The following MIDN variants were observed in gnomAD, a reference collection of about 807,000 sequenced individuals.
The protein encoded by MIDN is midbrain nucleolar protein.
In MIDN, 26 loss-of-function variants were observed where a neutral mutation model predicts 46.1. The observed-to-expected ratio is 0.56, with a 90% CI of 0.41 to 0.78. MIDN has a LOEUF of 0.78. Ranked by LOEUF, MIDN falls within the 30% of genes least tolerant of loss-of-function variation. The pLI, the probability that MIDN is intolerant of heterozygous loss-of-function variation, is 0.00. For synonymous variants in MIDN, 432 were observed against 343.3 expected, an observed-to-expected ratio of 1.26 and a Z score of -2.86; for missense variants, 850 against 771.8, an observed-to-expected ratio of 1.10 and a Z score of -1.20.
Position 1,257,123 on chromosome 19 carries a change from CCCAGCCGCAAGG to C in MIDN, c.1390_1401del (p.Ser464_Ala467del). On this transcript the variant is annotated inframe_deletion, in exon 9 of 9. Coordinates refer to ENST00000682408, the MANE Select transcript of MIDN (RefSeq NM_001388306.1). ...CGCGCGGGGTCCGTACCACTGGTCA[CCCAGCCGCAAGG>C]CCGGCCGCAGCGACAGCAGTAGCAG... is the stretch of plus-strand genomic sequence containing the variant. 1.2e-6 allele frequency: 2 copies of C among 1,611,634 alleles called. No individual in the cohort carries two copies. Among genetic ancestry groups the C allele is most frequent in the Non-Finnish European group, 1.7e-6 (2 of 1,179,340 alleles).
intron 4 of MIDN, 86 bp from the exon 5 acceptor site, chr19:1,253,868 C>T (rs1417875329): frequency 4.3e-6 from 5 of 1,174,738 alleles, no homozygotes; most frequent in Non-Finnish European, 5.5e-6. Context: ...GGCCCCGCCC[C>T]CTCTGGCCTC....
Position 1,257,189 on chromosome 19 carries a change from T to C in MIDN, c.1453T>C (p.Ser485Pro). The change falls in exon 9 of 9, where the codon TCC becomes CCC. Residue 485 changes from serine (S) to proline (P), a missense_variant. By Grantham distance (74) the Ser-to-Pro change is moderately conservative. Transcript: ENST00000682408. Reference sequence around the variant, plus strand: ...GGGCGGCGGCAGCCCCAGCGAGGCCTCCGGCTTGGGCCTCGACTTCGAGGA... The same window carrying C: ...GGGCGGCGGCAGCCCCAGCGAGGCCCCCGGCTTGGGCCTCGACTTCGAGGA... ...SGGGGSPSEASGLGLDFEDSV... is the reference protein window; with the variant it reads ...SGGGGSPSEAPGLGLDFEDSV... 3 of 1,611,970 alleles carry C rather than the reference T, an allele frequency of 1.9e-6. No individual in the cohort carries two copies. The highest frequency in any genetic ancestry group is 2.5e-6 in the Non-Finnish European group (3 of 1,179,562).
Position 1,258,054 on chromosome 19 carries a change from T to G in MIDN, c.*782T>G, listed in dbSNP as rs995825138. 6.6e-6 allele frequency: 1 copy of G among 152,312 alleles called. No homozygotes were observed. Among genetic ancestry groups the G allele is most frequent in the Admixed American group, 6.5e-5 (1 of 15,270 alleles). The allele number at this position is 152,312 out of a possible 1,614,324, so 9.4% of individuals were successfully genotyped here. A position where few individuals can be genotyped will look rare whatever the true frequency, so the allele number is the denominator to read the frequency against. On this transcript the variant is annotated 3_prime_UTR_variant, in exon 9 of 9. Coordinates refer to ENST00000682408, the MANE Select transcript of MIDN (RefSeq NM_001388306.1). ...GGGGAACTACCCCCCCAGCCTGCCC[T>G]CCGCCCCGCCCCAGCCGGCGGACTG...
At chr19:1,249,837 C>T (rs1375478842) in intron 1 of MIDN, 53 bp from the exon 2 acceptor site, 1 of 151,738 alleles carries the variant, frequency 6.6e-6, no homozygotes, top group Non-Finnish European at 1.5e-5. Flanking sequence ...CGGCCCCGCC[C>T]CCTGGAACGT....
At chr19:1,252,023 C>T in intron 4 of MIDN, 122 bp downstream of exon 4, 3 of 815,720 alleles carry the variant, frequency 3.7e-6, no homozygotes, top group African/African-American at 1.7e-5. Context: ...GGACGCGCCA[C>T]CCCGCCTGGG....
intron 4 of MIDN, 92 bp downstream of exon 4, chr19:1,251,993 G>A: frequency 2.7e-6 from 3 of 1,096,284 alleles, no homozygotes; most frequent in Non-Finnish European, 4.0e-6. Flanking sequence ...TGTGCTCCCA[G>A]GAGGCTGGGG....
In MIDN at chr19:1,254,400, C is replaced by T. The variant is rs761763851; in HGVS notation, c.747C>T (p.Thr249=). The change falls in exon 6 of 9, where the codon ACC becomes ACT. Residue 249 remains threonine (T), a synonymous_variant. Transcript: ENST00000682408. ...SSAARVPPVP[T]SPSPASPSPI... is the part of the protein sequence containing the mutation. ...CCGCCCGAGTCCCCCCGGTGCCCAC[C>T]AGCCCGTCCCCTGCATCTCCCTCGC... 8 of 1,563,376 alleles carry T rather than the reference C, an allele frequency of 5.1e-6. No homozygotes were observed. The African/African-American group carries it at 9.4e-5, about 18-fold the overall frequency.
rs1420872566 is a variant in MIDN, at chr19:1,250,251, G to A, written c.-46G>A. On this transcript the variant is annotated 5_prime_UTR_variant, in exon 2 of 9. Transcript: ENST00000682408. Reference sequence around the variant, plus strand: ...CGCCCCTGTCCCGGAGGCGCGGCGAGGATTGGCGGCGCCCGCCGCCCCCAG... The same window carrying A: ...CGCCCCTGTCCCGGAGGCGCGGCGAAGATTGGCGGCGCCCGCCGCCCCCAG... The A allele has an allele frequency of 1.2e-6, 1 of 852,226 alleles. No individual in the cohort carries two copies. The highest frequency in any genetic ancestry group is 1.8e-5 in the African/African-American group (1 of 54,344). 52.8% of individuals were successfully genotyped at this position (852,226 alleles called of 1,614,324 possible).
chr19:1,251,450 G>A, intron 2 of MIDN, 112 bp from the exon 3 acceptor site: 1 of 923,384 alleles, frequency 1.1e-6, no homozygotes, highest in Non-Finnish European at 1.6e-6. Flanking sequence ...AGGGGTGGGG[G>A]TGGGAACTTA....
At position 1,259,096 on chromosome 19, in the gene MIDN, C is replaced by T. The variant is rs1181513415; in HGVS notation, c.*1824C>T. The T allele has an allele frequency of 7.2e-6, 1 of 138,430 alleles. No homozygotes were observed. The highest frequency in any genetic ancestry group is 1.6e-5 in the Non-Finnish European group (1 of 62,382). 8.6% of individuals were successfully genotyped at this position (138,430 alleles called of 1,614,324 possible). On this transcript the variant is annotated 3_prime_UTR_variant, in exon 9 of 9. Coordinates refer to ENST00000682408, the MANE Select transcript of MIDN (RefSeq NM_001388306.1). ...CATAAAATTGAAAAAAAAAAAAAAA[C>T]CTACACGAGCACCGTGATTTCAAGT...
intron 3 of MIDN, 37 bp downstream of exon 3, chr19:1,251,686 C>T (rs764999253): frequency 2.7e-5 from 42 of 1,582,648 alleles, no homozygotes; most frequent in Non-Finnish European, 3.3e-5. Context: ...CCAGAGGCCC[C>T]CGCACACAGG....
At chr19:1,252,106 C>T (rs2145488143) in intron 4 of MIDN, among the ~76,000 whole-genome samples, 1 of 152,232 alleles carries the variant, frequency 6.6e-6, no homozygotes, top group Admixed American at 6.5e-5. Context: ...CTTTCTCTCC[C>T]ACGGTGGCTG....
At position 1,254,408 on chromosome 19, in the gene MIDN, C is replaced by A. The variant is rs1447725798; in HGVS notation, c.755C>A (p.Ser252Tyr). 1 of 1,565,590 alleles carries A rather than the reference C, an allele frequency of 6.4e-7. No homozygotes were observed. The change falls in exon 6 of 9, where the codon TCC becomes TAC. Residue 252 changes from serine to tyrosine, a missense_variant. Transcript: ENST00000682408. ...GTCCCCCCGGTGCCCACCAGCCCGT[C>A]CCCTGCATCTCCCTCGCCCATCACA... The part of the protein sequence containing the change: ...ARVPPVPTSP[S>Y]PASPSPITAG...
intron 1 of MIDN, among the ~76,000 whole-genome samples, chr19:1,249,622 G>A (rs2081097479): frequency 6.7e-6 from 1 of 148,926 alleles, no homozygotes. Flanking sequence ...GGGGGCGGGC[G>A]CGGAGAGGCG....
At chr19:1,251,397 A>G (rs896431087) in intron 2 of MIDN, 165 bp from the exon 3 acceptor site, 1 of 578,984 alleles carries the variant, frequency 1.7e-6, no homozygotes, top group Non-Finnish European at 2.9e-6. Flanking sequence ...CCAGACGGAG[A>G]CCTCTCTGCA....
intron 4 of MIDN, 83 bp downstream of exon 4, chr19:1,251,984 G>A: frequency 1.6e-6 from 2 of 1,234,808 alleles, no homozygotes; most frequent in East Asian, 2.5e-5. Context: ...GGGGTTGTCT[G>A]TGCTCCCAGG....
At chr19:1,256,159 C>G (rs532939242) in intron 8 of MIDN, among the ~76,000 whole-genome samples, 1 of 152,242 alleles carries the variant, frequency 6.6e-6, no homozygotes, top group African/African-American at 2.4e-5. Context: ...GCTCTGCACC[C>G]GTCGCGGGGG....
chr19:1,252,492 G>T (rs916416219), intron 4 of MIDN, among the ~76,000 whole-genome samples: 3 of 152,148 alleles, frequency 2.0e-5, no homozygotes, highest in Non-Finnish European at 4.4e-5. Flanking sequence ...TTAGTAAGCG[G>T]CCAGGAGGGA....
intron 1 of MIDN, 127 bp downstream of exon 1, chr19:1,248,787 C>T (rs919294063): frequency 1.1e-4 from 16 of 152,168 alleles, no homozygotes; most frequent in African/African-American, 1.7e-4. Context: ...TGGGAAGCCC[C>T]CCGGGGTGCG....
Sources: allele counts gnomAD v4.1 joint callset (sites outside exome capture counted in the v4.1 genomes callset), GRCh38; gene constraint gnomAD v4.1.1; transcripts MANE v1.5; gene names NCBI Gene and HGNC (gene_info 2026-07-23, HGNC 2026-07-21).